The following MYO1B variants were observed in gnomAD, a reference collection of about 807,000 sequenced individuals.
MYO1B encodes the protein myosin IB.
MYO1B carries 72 observed loss-of-function variants against 159.7 expected under a neutral mutation model. The observed-to-expected ratio is 0.45, with a 90% confidence interval of 0.37 to 0.55. MYO1B has a LOEUF of 0.55. Ranked by LOEUF, MYO1B falls within the 20% of genes least tolerant of loss-of-function variation. MYO1B has a pLI of 0.00. For missense variants in MYO1B, 1,062 were observed against 1,364.8 expected, an observed-to-expected ratio of 0.78 and a Z score of 3.50; for synonymous variants, 468 against 473.8, an observed-to-expected ratio of 0.99 and a Z score of 0.16.
At chr2:191,331,668 ACT>A (rs1186407879) in intron 4 of MYO1B, among the ~76,000 whole-genome samples, 1 of 152,230 alleles carries the variant, frequency 6.6e-6, no homozygotes, top group Non-Finnish European at 1.5e-5. Context: ...TATACTAGGG[ACT>A]GTCCTTGCCC....
intron 13 of MYO1B, chr2:191,377,999 TG>T (rs1343987719): frequency 6.6e-6 from 1 of 152,214 alleles, no homozygotes; most frequent in Non-Finnish European, 1.5e-5. Context: ...ATTTTTGTTT[TG>T]GTTTTTTTTT....
At chr2:191,416,417 T>C (rs1398543403) in intron 30 of MYO1B, 175 bp downstream of exon 30, 3 of 671,244 alleles carry the variant, frequency 4.5e-6, no homozygotes, top group Admixed American at 2.8e-5. Context: ...CAACCTCATG[T>C]ACCTGACATC....
At chr2:191,374,700 A>G (rs1246785119) in intron 13 of MYO1B, among the ~76,000 whole-genome samples, 1 of 152,238 alleles carries the variant, frequency 6.6e-6, no homozygotes, top group Non-Finnish European at 1.5e-5. Flanking sequence ...GATACCAAAA[A>G]TAAGGTGAAG....
intron 6 of MYO1B, among the ~76,000 whole-genome samples, chr2:191,346,755 C>T (rs6732537): frequency 0.43 from 65,249 of 151,988 alleles, 14,712 homozygotes; most frequent in African/African-American, 0.58. Flanking sequence ...GTGGGGTGAG[C>T]GTGGGGCTGT....
chr2:191,355,545 G>A (rs949055312), intron 7 of MYO1B, among the ~76,000 whole-genome samples: 1 of 152,226 alleles, frequency 6.6e-6, no homozygotes, highest in Non-Finnish European at 1.5e-5. Flanking sequence ...AGATGTGTTA[G>A]TAGTCCTCTG....
At chr2:191,410,941 T>C (rs1385916599) in intron 26 of MYO1B, 125 bp from the exon 27 acceptor site, 5 of 583,278 alleles carry the variant, frequency 8.6e-6, no homozygotes, top group Non-Finnish European at 1.4e-5. Context: ...TTGGCCTTTT[T>C]TAGTGAATGT....
intron 4 of MYO1B, among the ~76,000 whole-genome samples, chr2:191,337,630 G>GC (rs1691942020): frequency 6.6e-6 from 1 of 151,924 alleles, no homozygotes; most frequent in Admixed American, 6.6e-5. Context: ...TAAGATTCAA[G>GC]TTACATTCAA....
chr2:191,322,005 G>A (rs907961751), intron 3 of MYO1B, among the ~76,000 whole-genome samples: 1 of 152,110 alleles, frequency 6.6e-6, no homozygotes, highest in Admixed American at 6.6e-5. Flanking sequence ...CAGTTATTAA[G>A]GGATTAAATC....
At chr2:191,413,997 G>T (rs1442924276) in intron 27 of MYO1B, 51 bp from the exon 28 acceptor site, 3 of 1,539,718 alleles carry the variant, frequency 1.9e-6, no homozygotes, top group Admixed American at 4.3e-5. Flanking sequence ...TTTTTTTAGT[G>T]GTACTTTCAT....
At chr2:191,295,580 A>G (rs766373975) in intron 2 of MYO1B, among the ~76,000 whole-genome samples, 42 of 152,202 alleles carry the variant, frequency 2.8e-4, no homozygotes, top group Non-Finnish European at 4.7e-4. Flanking sequence ...TGTAGCTCTG[A>G]TACTGAATTG....
chr2:191,369,687 TAAGTTGAAGA>T, intron 12 of MYO1B, 59 bp downstream of exon 12: 1 of 1,298,432 alleles, frequency 7.7e-7, no homozygotes, highest in Non-Finnish European at 1.1e-6. Context: ...GTATAAACAT[TAAGTTGAAGA>T]AAGTTTAAAT....
chr2:191,320,935 C>G (rs890654895), intron 3 of MYO1B, among the ~76,000 whole-genome samples: 7 of 152,084 alleles, frequency 4.6e-5, no homozygotes, highest in Non-Finnish European at 7.4e-5. Flanking sequence ...AGCCAGATCT[C>G]TGCACTTCCA....
At chr2:191,304,353 C>T (rs1689515350) in intron 3 of MYO1B, among the ~76,000 whole-genome samples, 1 of 152,156 alleles carries the variant, frequency 6.6e-6, no homozygotes, top group African/African-American at 2.4e-5. Context: ...AGTGGATCAC[C>T]TGAGGTTGGG....
At chr2:191,302,045 C>A (rs558482077) in intron 3 of MYO1B, among the ~76,000 whole-genome samples, 96 of 152,322 alleles carry the variant, frequency 6.3e-4, no homozygotes, top group Non-Finnish European at 8.2e-4. Flanking sequence ...TCCTCTTGAG[C>A]CAGAGCCATT....
chr2:191,335,859 C>A (rs1253890484), intron 4 of MYO1B, among the ~76,000 whole-genome samples: 1 of 152,118 alleles, frequency 6.6e-6, no homozygotes, highest in Non-Finnish European at 1.5e-5. Flanking sequence ...TCTTAAGCTG[C>A]GGAGTTATGT....
chr2:191,369,828 G>A (rs1313906917), intron 12 of MYO1B, among the ~76,000 whole-genome samples, 200 bp downstream of exon 12: 1 of 152,176 alleles, frequency 6.6e-6, no homozygotes, highest in East Asian at 1.9e-4. Flanking sequence ...TGTTGCTTCT[G>A]ACTGGTGAAT....
intron 3 of MYO1B, among the ~76,000 whole-genome samples, chr2:191,321,502 T>G (rs563662758): frequency 2.0e-5 from 3 of 152,318 alleles, no homozygotes; most frequent in Admixed American, 1.3e-4. Context: ...AGGTGATTGT[T>G]AGAATTCTTT....
In MYO1B at chr2:191,276,873, C is replaced by CA; in HGVS notation, c.-9-14_-9-13insA. On this transcript the variant is annotated splice_polypyrimidine_tract_variant and intron_variant, in intron 1 of 30. Transcript: ENST00000392318. ...TTGCTCGTTTAAATTGACCCCTTTC[C>CA]CTCTCTTCTGCAGCTGGAGACCATG... 1 of 1,587,000 alleles carries CA rather than the reference C, an allele frequency of 6.3e-7. No individual in the cohort carries two copies. The highest frequency in any genetic ancestry group is 8.5e-7 in the Non-Finnish European group (1 of 1,170,358).
intron 1 of MYO1B, among the ~76,000 whole-genome samples, chr2:191,246,858 A>C (rs1273923272): frequency 6.6e-6 from 1 of 152,170 alleles, no homozygotes; most frequent in East Asian, 1.9e-4. Flanking sequence ...CACACCACAC[A>C]CACCAGCGTT....
Sources: gnomAD v4.1 joint callset for allele counts (sites outside exome capture counted in the v4.1 genomes callset) on GRCh38, gnomAD v4.1.1 for gene constraint, MANE v1.5 for transcripts, NCBI Gene and HGNC (gene_info 2026-07-23, HGNC 2026-07-21) for gene names.